SLC35F4: variants seen among roughly 807,000 people sequenced by gnomAD.
SLC35F4 encodes the protein chromosome 14 open reading frame 36.
In SLC35F4, 24 loss-of-function variants were observed where a neutral mutation model predicts 44.2. The ratio of observed to expected loss-of-function variants is 0.54; its 90% CI spans 0.39 to 0.76. The LOEUF (loss-of-function observed/expected upper bound fraction) is 0.76, where lower values mean the gene tolerates loss of function less well. Ranked by LOEUF, SLC35F4 falls within the 30% of genes least tolerant of loss-of-function variation. The pLI is 0.00. For synonymous variants in SLC35F4, 238 were observed against 223.6 expected (o/e 1.06, Z -0.57); for missense variants, 562 against 586.1 (o/e 0.96, Z 0.42).
chr14:57,850,696 A>T (rs949544735), intron 1 of SLC35F4, among the ~76,000 whole-genome samples: 1 of 152,218 alleles, frequency 6.6e-6, no homozygotes. Context: ...ACTGTTTCTC[A>T]GAAAACTAAG....
At chr14:57,968,709 C>T (rs756357837) in intron 1 of SLC35F4, among the ~76,000 whole-genome samples, 4 of 152,052 alleles carry the variant, frequency 2.6e-5, no homozygotes, top group African/African-American at 7.2e-5. Context: ...ATAAGCAGGG[C>T]GTGGGGGGTG....
chr14:57,630,776 A>G (rs2072731857), intron 1 of SLC35F4: 1 of 487,180 alleles, frequency 2.1e-6, no homozygotes, highest in African/African-American at 2.0e-5. Context: ...ACAGTGTTGC[A>G]ATGATGATTA....
intron 1 of SLC35F4, among the ~76,000 whole-genome samples, chr14:57,667,944 C>A (rs1201496922): frequency 7.4e-6 from 1 of 135,716 alleles, no homozygotes; most frequent in East Asian, 2.1e-4. Flanking sequence ...GTTTACAGTC[C>A]CACCAACAGT....
intron 1 of SLC35F4, among the ~76,000 whole-genome samples, chr14:57,841,433 G>A (rs947271853): frequency 3.9e-5 from 6 of 152,216 alleles, no homozygotes; most frequent in African/African-American, 1.4e-4. Context: ...AGTGGGTTAA[G>A]TGGAAATCCA....
At chr14:57,857,170 G>A (rs558750257) in intron 1 of SLC35F4, among the ~76,000 whole-genome samples, 2 of 151,826 alleles carry the variant, frequency 1.3e-5, no homozygotes, top group South Asian at 4.2e-4. Context: ...CCAGCTACTC[G>A]GGAGGTGGAG....
chr14:57,747,823 C>G (rs2076796072), intron 1 of SLC35F4, among the ~76,000 whole-genome samples: 1 of 152,164 alleles, frequency 6.6e-6, no homozygotes, highest in African/African-American at 2.4e-5. Flanking sequence ...CTGACATATT[C>G]ACATGAAAAT....
At chr14:57,983,007 C>G (rs571634748), upstream of SLC35F4, among the ~76,000 whole-genome samples, 1 of 152,242 alleles carries the variant, frequency 6.6e-6, no homozygotes, top group Non-Finnish European at 1.5e-5. Context: ...TGTGGCTCCG[C>G]CCCCAGACGC....
At chr14:57,876,029 T>C (rs929075350) in intron 1 of SLC35F4, among the ~76,000 whole-genome samples, 2 of 152,212 alleles carry the variant, frequency 1.3e-5, no homozygotes, top group African/African-American at 4.8e-5. Context: ...AAATCTGGCA[T>C]TAAAAGGTTA....
At chr14:57,686,889 TG>T (rs1307146775) in intron 1 of SLC35F4, among the ~76,000 whole-genome samples, 2 of 152,218 alleles carry the variant, frequency 1.3e-5, no homozygotes, top group African/African-American at 4.8e-5. Flanking sequence ...ATTTATATGT[TG>T]AAGTCCTAAC....
intron 6 of SLC35F4, among the ~76,000 whole-genome samples, chr14:57,567,288 A>C (rs730650): frequency 0.48 from 72,636 of 152,106 alleles, 17,470 homozygotes; most frequent in Admixed American, 0.53. Context: ...AAGAATTATA[A>C]ATTACAAAGC....
At chr14:57,679,569 A>T (rs934808624) in intron 1 of SLC35F4, among the ~76,000 whole-genome samples, 3 of 152,080 alleles carry the variant, frequency 2.0e-5, no homozygotes, top group Non-Finnish European at 4.4e-5. Flanking sequence ...CCCTTCAAAA[A>T]ATCAATGAAT....
chr14:57,566,942 T>C (rs921571737), intron 6 of SLC35F4, among the ~76,000 whole-genome samples: 5 of 152,280 alleles, frequency 3.3e-5, no homozygotes, highest in Non-Finnish European at 5.9e-5. Context: ...TGCTATTTTG[T>C]GCCACATTCA....
At chr14:57,888,475 C>A (rs1304604921) in intron 1 of SLC35F4, among the ~76,000 whole-genome samples, 2 of 152,142 alleles carry the variant, frequency 1.3e-5, no homozygotes, top group Non-Finnish European at 2.9e-5. Flanking sequence ...AGGGTAATAA[C>A]AATATGCTGC....
chr14:57,731,177 G>C lies in SLC35F4; in HGVS notation c.103+134546C>G, dbSNP rs1433473231. On this transcript the variant is annotated intron_variant, in intron 1 of 7. Transcript: ENST00000556826. ...TATTTACTCAAAAACCCACAGCAGA[G>C]CCCCGATGCGACCCTGAAAACAAGA... is the stretch of plus-strand genomic sequence containing the variant. Among the ~76,000 whole-genome samples the C allele has an allele frequency of 3.3e-5, 5 of 152,040 alleles. 1 individual carries two copies. Among genetic ancestry groups the C allele is most frequent in the Admixed American group, 6.6e-5 (1 of 15,242 alleles).
intron 1 of SLC35F4, among the ~76,000 whole-genome samples, chr14:57,882,179 T>A (rs1484826881): frequency 6.6e-6 from 1 of 152,078 alleles, no homozygotes; most frequent in Non-Finnish European, 1.5e-5. Context: ...CCTGGATCCA[T>A]CCCCCTTCCC....
intron 1 of SLC35F4, among the ~76,000 whole-genome samples, chr14:57,817,201 G>T (rs930432136): frequency 1.3e-5 from 2 of 152,140 alleles, no homozygotes; most frequent in African/African-American, 4.8e-5. Flanking sequence ...GGGGTTGGCT[G>T]GCCTTAGTAA....
downstream of SLC35F4, among the ~76,000 whole-genome samples, chr14:57,974,191 AG>A (rs1431561638): frequency 6.6e-6 from 1 of 152,140 alleles, no homozygotes; most frequent in Non-Finnish European, 1.5e-5. Flanking sequence ...GCACCTTGGT[AG>A]GGTTGCGTGG....
At chr14:57,963,566 G>A (rs1450518175) in intron 1 of SLC35F4, among the ~76,000 whole-genome samples, 3 of 152,082 alleles carry the variant, frequency 2.0e-5, no homozygotes, top group East Asian at 3.9e-4. Context: ...TCTGACTTTC[G>A]TGGAGTCGGT....
intron 1 of SLC35F4, among the ~76,000 whole-genome samples, chr14:57,668,256 A>C (rs2074387824): frequency 6.6e-6 from 1 of 150,948 alleles, no homozygotes; most frequent in Non-Finnish European, 1.5e-5. Flanking sequence ...GTAAGTTGCA[A>C]AAATTTTCTC....
Sources: allele counts gnomAD v4.1 joint callset (sites outside exome capture counted in the v4.1 genomes callset), GRCh38; gene constraint gnomAD v4.1.1; transcripts MANE v1.5; gene names NCBI Gene and HGNC (gene_info 2026-07-23, HGNC 2026-07-21).